Variants in TRIQK observed in about 807,000 individuals in gnomAD.
TRIQK encodes the protein triple QxxK/R motif containing, also known as triple QxxK/R motif-containing protein.
A neutral mutation model predicts 10.8 loss-of-function variants in TRIQK; 10 were observed. The observed-to-expected ratio is 0.92, with a 90% CI of 0.57 to 1.57. The LOEUF (loss-of-function observed/expected upper bound fraction) is 1.57. TRIQK is among the 40% of genes most tolerant of loss of function. The probability of loss-of-function intolerance (pLI) is 0.00; values close to 1 mark genes in which losing one functional copy is unlikely to be tolerated. For missense variants in TRIQK, 107 were observed against 97.7 expected, an observed-to-expected ratio of 1.09 and a Z score of -0.40; for synonymous variants, 33 against 33.7, an observed-to-expected ratio of 0.98 and a Z score of 0.07.
chr8:92,982,351 T>A (rs1036041096), intron 1 of TRIQK, among the ~76,000 whole-genome samples: 1 of 151,980 alleles, frequency 6.6e-6, no homozygotes, highest in Non-Finnish European at 1.5e-5. Context: ...TGAATTTCAA[T>A]AGAAATAAAG....
chr8:92,944,422 A>G (rs1811418665), intron 2 of TRIQK, among the ~76,000 whole-genome samples: 1 of 152,214 alleles, frequency 6.6e-6, no homozygotes, highest in South Asian at 2.1e-4. Context: ...TGTTTATAAC[A>G]GTACTATTCA....
chr8:92,941,956 C>T (rs188110472), intron 2 of TRIQK, among the ~76,000 whole-genome samples: 19 of 152,168 alleles, frequency 1.2e-4, no homozygotes, highest in Non-Finnish European at 1.5e-5. Context: ...CAGTGAAAAT[C>T]CCAGGGCATG....
At chr8:92,923,666 T>C (rs1810297693) in intron 2 of TRIQK, among the ~76,000 whole-genome samples, 1 of 151,922 alleles carries the variant, frequency 6.6e-6, no homozygotes, top group Non-Finnish European at 1.5e-5. Context: ...GATATTAAAA[T>C]AATTCAGTTA....
At chr8:92,949,671 G>GGAAAGAAAGAAAGAAA (rs375957646) in intron 2 of TRIQK, among the ~76,000 whole-genome samples, 1 of 62,600 alleles carries the variant, frequency 1.6e-5, no homozygotes, top group Admixed American at 2.0e-4. Context: ...AGAAAGAGAA[G>GGAAAGAAAGAAAGAAA]GAAAGAAAGA....
intron 1 of TRIQK, among the ~76,000 whole-genome samples, chr8:92,986,695 A>G (rs942712888): frequency 6.6e-6 from 1 of 152,164 alleles, no homozygotes; most frequent in Non-Finnish European, 1.5e-5. Flanking sequence ...CTTATTTTAT[A>G]CATGCAGAAT....
chr8:92,991,652 C>T (rs10096430), intron 1 of TRIQK, among the ~76,000 whole-genome samples: 5,823 of 152,098 alleles, frequency 0.038, 188 homozygotes, highest in East Asian at 0.15. Context: ...AGTTCCGGCC[C>T]GGGCAATCAG....
chr8:92,919,812 T>C (rs181143327), intron 2 of TRIQK, among the ~76,000 whole-genome samples: 1 of 151,900 alleles, frequency 6.6e-6, no homozygotes. Flanking sequence ...TTCAAACTCA[T>C]GATTCATTTT....
At chr8:92,961,826 A>G (rs188762353) in intron 1 of TRIQK, among the ~76,000 whole-genome samples, 8 of 152,340 alleles carry the variant, frequency 5.3e-5, no homozygotes, top group Admixed American at 2.6e-4. Flanking sequence ...TCACTAAATA[A>G]TACTACTACA....
At chr8:92,975,017 T>A (rs1452297830) in intron 1 of TRIQK, among the ~76,000 whole-genome samples, 1 of 152,222 alleles carries the variant, frequency 6.6e-6, no homozygotes, top group Admixed American at 6.5e-5. Context: ...CTACCTCTAC[T>A]GTCCTATTTC....
chr8:93,003,060 A>G (rs1813230304), intron 1 of TRIQK, among the ~76,000 whole-genome samples: 1 of 152,184 alleles, frequency 6.6e-6, no homozygotes, highest in African/African-American at 2.4e-5. Context: ...TAATTAACAT[A>G]AATGCAAAAA....
chr8:92,898,524 A>G (rs538648305), intron 3 of TRIQK, among the ~76,000 whole-genome samples: 2 of 152,168 alleles, frequency 1.3e-5, no homozygotes, highest in Admixed American at 1.3e-4. Context: ...AGTTTTCACC[A>G]GTGTTCTCAC....
At chr8:92,986,822 G>C (rs1047256534) in intron 1 of TRIQK, among the ~76,000 whole-genome samples, 3 of 152,158 alleles carry the variant, frequency 2.0e-5, no homozygotes, top group African/African-American at 7.2e-5. Context: ...AATGTGCAGA[G>C]ACGTACACAT....
At chr8:92,915,488 C>CTTT (rs759774758) in intron 3 of TRIQK, among the ~76,000 whole-genome samples, 7 of 143,614 alleles carry the variant, frequency 4.9e-5, no homozygotes, top group Admixed American at 1.4e-4. Flanking sequence ...TATAAACATT[C>CTTT]TTTTTTTTTT....
chr8:92,973,633 A>C (rs1812898823), intron 1 of TRIQK: 1 of 152,210 alleles, frequency 6.6e-6, no homozygotes, highest in African/African-American at 2.4e-5. Context: ...GCTTCTGCAG[A>C]GTCAAGATTA....
chr8:92,895,838 G>A (rs1006054405), intron 3 of TRIQK, among the ~76,000 whole-genome samples: 3 of 151,900 alleles, frequency 2.0e-5, no homozygotes, highest in African/African-American at 7.3e-5. Flanking sequence ...TGCAAAAAAA[G>A]AAATGACTAA....
intron 1 of TRIQK, among the ~76,000 whole-genome samples, chr8:93,008,419 T>TTGA (rs1438642537): frequency 1.3e-5 from 2 of 152,148 alleles, no homozygotes; most frequent in Non-Finnish European, 2.9e-5. Context: ...GTCATCTACA[T>TTGA]ATTCAATGTA....
At chr8:92,971,460 C>T (rs1812877144) in intron 1 of TRIQK, among the ~76,000 whole-genome samples, 2 of 152,036 alleles carry the variant, frequency 1.3e-5, no homozygotes, top group Admixed American at 6.6e-5. Flanking sequence ...CAGGATACAA[C>T]ATCAATGTGC....
At chr8:92,965,410 C>T (rs1182634809) in intron 1 of TRIQK, 1 of 152,294 alleles carries the variant, frequency 6.6e-6, no homozygotes, top group East Asian at 1.9e-4. Context: ...ATAAAGCCAC[C>T]TAATCCTGTC....
chr8:92,915,792 G>A (rs979673766), intron 3 of TRIQK, among the ~76,000 whole-genome samples: 5 of 151,486 alleles, frequency 3.3e-5, no homozygotes, highest in African/African-American at 4.9e-5. Flanking sequence ...AAGTCACCGC[G>A]CCCGGCCTGT....
Sources: gnomAD v4.1 joint callset for allele counts (sites outside exome capture counted in the v4.1 genomes callset) on GRCh38, gnomAD v4.1.1 for gene constraint, MANE v1.5 for transcripts, NCBI Gene and HGNC (gene_info 2026-07-23, HGNC 2026-07-21) for gene names.